Variants in NTRK3 observed in about 807,000 individuals in gnomAD.
NTRK3 encodes the protein NT-3 growth factor receptor.
Under a neutral mutation model 91.7 loss-of-function variants are expected in NTRK3, and 24 were observed. That is an observed-to-expected ratio of 0.26 (90% CI 0.19 to 0.37). The LOEUF is 0.37. Among genes scored for constraint, NTRK3 ranks in the 10% least tolerant of loss-of-function variants. The pLI is 1.00. For synonymous variants in NTRK3, 483 were observed against 404.0 expected, an observed-to-expected ratio of 1.20 and a Z score of -2.34; for missense variants, 880 against 1,068.9, an observed-to-expected ratio of 0.82 and a Z score of 2.46.
chr15:88,049,936 G>A (rs1219214704), intron 13 of NTRK3, among the ~76,000 whole-genome samples: 1 of 152,190 alleles, frequency 6.6e-6, no homozygotes, highest in African/African-American at 2.4e-5. Context: ...GCACACACTT[G>A]GCATTGTGCT....
intron 14 of NTRK3, among the ~76,000 whole-genome samples, chr15:87,966,897 A>G (rs1392443770): frequency 1.3e-5 from 2 of 152,138 alleles, no homozygotes; most frequent in East Asian, 3.9e-4. Flanking sequence ...CTCAACGTTA[A>G]TACTGTTAGC....
chr15:88,160,086 G>A (rs2044304899), intron 5 of NTRK3, among the ~76,000 whole-genome samples: 1 of 152,100 alleles, frequency 6.6e-6, no homozygotes. Flanking sequence ...CGGGATGAGT[G>A]GAGATGGTCC....
At chr15:88,088,413 G>A (rs910662211) in intron 13 of NTRK3, among the ~76,000 whole-genome samples, 9 of 152,186 alleles carry the variant, frequency 5.9e-5, no homozygotes, top group African/African-American at 2.2e-4. Context: ...TGAGGAAAAC[G>A]TGGTCTTGTC....
chr15:88,118,026 G>A (rs1597410103), intron 13 of NTRK3, among the ~76,000 whole-genome samples: 1 of 152,238 alleles, frequency 6.6e-6, no homozygotes, highest in Non-Finnish European at 1.5e-5. Context: ...CAGCACAAAG[G>A]GCAGTGGGTG....
exon 19 of NTRK3, chr15:87,862,908 T>G (rs1032953748): frequency 4.3e-6 from 1 of 230,520 alleles, no homozygotes; most frequent in Non-Finnish European, 8.6e-6. Flanking sequence ...CCAAACTTCA[T>G]AGCTTCTGCT....
intron 5 of NTRK3, among the ~76,000 whole-genome samples, chr15:88,156,685 TC>T (rs988256598): frequency 1.3e-5 from 2 of 152,168 alleles, no homozygotes; most frequent in African/African-American, 4.8e-5. Flanking sequence ...CTCCGCTTTC[TC>T]CCACTGCATT....
At chr15:88,080,169 T>C (rs1259016237) in intron 13 of NTRK3, among the ~76,000 whole-genome samples, 2 of 152,236 alleles carry the variant, frequency 1.3e-5, no homozygotes, top group Non-Finnish European at 2.9e-5. Context: ...ATACACAACC[T>C]TGTATGTGAA....
rs566893617 is a variant in NTRK3 at position 88,087,824 on chromosome 15, G to A, written c.1396+38447C>T. On this transcript the variant is annotated intron_variant, in intron 13 of 18. Coordinates refer to ENST00000394480, the Ensembl canonical transcript of NTRK3. ...AGCACTTTGGGAGGTCGAGGTGGGTGGATCACCTGAGGTCAGAAGTTCAAG... is the reference window on the plus strand; with the variant it reads ...AGCACTTTGGGAGGTCGAGGTGGGTAGATCACCTGAGGTCAGAAGTTCAAG... 2.3e-4 allele frequency among the ~76,000 whole-genome samples: 35 copies of A among 152,278 alleles called. No homozygotes were observed. The East Asian group carries it at 6.6e-3, about 29-fold the overall frequency.
chr15:88,162,932 G>A (rs1308230480), intron 5 of NTRK3, among the ~76,000 whole-genome samples: 1 of 152,086 alleles, frequency 6.6e-6, no homozygotes, highest in Non-Finnish European at 1.5e-5. Context: ...CCAGCACTGT[G>A]GCCACTCTGT....
intron 14 of NTRK3, among the ~76,000 whole-genome samples, chr15:88,017,115 T>C (rs2077288951): frequency 6.6e-6 from 1 of 152,176 alleles, no homozygotes; most frequent in African/African-American, 2.4e-5. Context: ...TTTAGGTTTC[T>C]GATAGACCAG....
At chr15:88,059,820 G>C (rs533633448) in intron 13 of NTRK3, among the ~76,000 whole-genome samples, 2 of 152,274 alleles carry the variant, frequency 1.3e-5, no homozygotes, top group East Asian at 1.9e-4. Flanking sequence ...GGATAACTAG[G>C]TTAAAATGAG....
chr15:88,011,921 C>G (rs892787061), intron 14 of NTRK3, among the ~76,000 whole-genome samples: 39 of 152,296 alleles, frequency 2.6e-4, no homozygotes, highest in African/African-American at 9.1e-4. Context: ...ACACAGGCAG[C>G]TATTCCAAAT....
chr15:87,985,316 G>C (rs1333868849), intron 14 of NTRK3, among the ~76,000 whole-genome samples: 1 of 152,098 alleles, frequency 6.6e-6, no homozygotes, highest in African/African-American at 2.4e-5. Flanking sequence ...ACATGTATAA[G>C]GCACACGACA....
At chr15:87,898,048 A>C (rs1237454217) in intron 17 of NTRK3, among the ~76,000 whole-genome samples, 1 of 152,350 alleles carries the variant, frequency 6.6e-6, no homozygotes, top group South Asian at 2.1e-4. Flanking sequence ...GAGGCATGGC[A>C]AGGCTTCAAG....
intron 3 of NTRK3, among the ~76,000 whole-genome samples, chr15:88,249,397 T>A (rs116490012): frequency 0.012 from 1,899 of 152,146 alleles, 46 homozygotes; most frequent in African/African-American, 0.043. Flanking sequence ...GGAGACACAG[T>A]CATGGGGGAG....
chr15:88,116,675 G>A (rs11631112), intron 13 of NTRK3, among the ~76,000 whole-genome samples: 13 of 152,062 alleles, frequency 8.5e-5, no homozygotes, highest in South Asian at 2.1e-4. Context: ...ATGTTGACTC[G>A]CAGCCTTCCC....
At chr15:88,056,016 G>A (rs1684647) in intron 13 of NTRK3, among the ~76,000 whole-genome samples, 1 of 151,908 alleles carries the variant, frequency 6.6e-6, no homozygotes, top group Non-Finnish European at 1.5e-5. Context: ...TGTAGGTTAA[G>A]GCATGACTTG....
chr15:87,864,987 C>T (rs1208655311), exon 19 of NTRK3: 1 of 214,668 alleles, frequency 4.7e-6, no homozygotes, highest in Non-Finnish European at 9.4e-6. Flanking sequence ...TAGTCCGAAA[C>T]AGAGGTGTTG....
At chr15:87,987,599 ATTCT>A (rs1316951071) in intron 14 of NTRK3, among the ~76,000 whole-genome samples, 1 of 151,540 alleles carries the variant, frequency 6.6e-6, no homozygotes, top group Non-Finnish European at 1.5e-5. Context: ...CTCTATGCAA[ATTCT>A]TTGTTATATA....
Sources: allele counts gnomAD v4.1 joint callset (sites outside exome capture counted in the v4.1 genomes callset), GRCh38; gene constraint gnomAD v4.1.1; transcripts MANE v1.5; gene names NCBI Gene and HGNC (gene_info 2026-07-23, HGNC 2026-07-21).